The following PIK3AP1 variants were observed in gnomAD, a reference collection of about 807,000 sequenced individuals.
PIK3AP1 encodes phosphoinositide 3-kinase adapter protein 1.
Under a neutral mutation model 88.1 loss-of-function variants are expected in PIK3AP1, and 21 were observed. The observed-to-expected ratio is 0.24, with a 90% confidence interval of 0.17 to 0.34. The LOEUF is 0.34. PIK3AP1 is among the 10% of genes least tolerant of loss of function. PIK3AP1 has a pLI of 1.00. For synonymous variants in PIK3AP1, 398 were observed against 400.0 expected (o/e 1.00, Z 0.06); for missense variants, 828 against 1,035.7 (o/e 0.80, Z 2.75).
chr10:96,641,631 C>T (rs1236722248), intron 8 of PIK3AP1, among the ~76,000 whole-genome samples: 1 of 152,130 alleles, frequency 6.6e-6, no homozygotes, highest in Non-Finnish European at 1.5e-5. Context: ...CCAGGAGAGC[C>T]CTACATTCCA....
intron 2 of PIK3AP1, among the ~76,000 whole-genome samples, chr10:96,703,984 G>T (rs1164246704): frequency 6.6e-6 from 1 of 152,202 alleles, no homozygotes; most frequent in African/African-American, 2.4e-5. Flanking sequence ...GGAGAGTGGG[G>T]TGGGAAATAA....
chr10:96,598,908 G>A (rs1848831978), intron 16 of PIK3AP1, among the ~76,000 whole-genome samples: 1 of 152,228 alleles, frequency 6.6e-6, no homozygotes, highest in Non-Finnish European at 1.5e-5. Flanking sequence ...ATACAGGAGA[G>A]GGGCAGGACT....
intron 11 of PIK3AP1, 86 bp downstream of exon 11, chr10:96,623,386 C>T: frequency 1.1e-5 from 14 of 1,292,178 alleles, no homozygotes; most frequent in Non-Finnish European, 1.5e-5. Context: ...TTTTCAATGT[C>T]AAGGAGCTAT....
intron 10 of PIK3AP1, 135 bp downstream of exon 10, chr10:96,626,573 G>A: frequency 2.1e-6 from 2 of 938,240 alleles, no homozygotes; most frequent in African/African-American, 1.7e-5. Flanking sequence ...ATATGACCCT[G>A]TCTCGTAGGG....
At chr10:96,699,691 G>A (rs1406861957) in intron 2 of PIK3AP1, among the ~76,000 whole-genome samples, 1 of 152,132 alleles carries the variant, frequency 6.6e-6, no homozygotes, top group Non-Finnish European at 1.5e-5. Flanking sequence ...TTCTACATAA[G>A]GCAATAACCA....
intron 9 of PIK3AP1, among the ~76,000 whole-genome samples, 167 bp from the exon 10 acceptor site, chr10:96,627,072 A>C (rs1843164777): frequency 6.6e-6 from 1 of 152,220 alleles, no homozygotes; most frequent in Admixed American, 6.5e-5. Flanking sequence ...CACCACACAA[A>C]GCAACTGAGA....
chr10:96,684,372 T>G (rs1844041896), intron 2 of PIK3AP1, among the ~76,000 whole-genome samples: 2 of 152,218 alleles, frequency 1.3e-5, no homozygotes, highest in Non-Finnish European at 2.9e-5. Flanking sequence ...TCCTCCCAGG[T>G]GCCAACTCTA....
intron 16 of PIK3AP1, among the ~76,000 whole-genome samples, chr10:96,599,112 G>A (rs1194753215): frequency 6.6e-6 from 1 of 152,176 alleles, no homozygotes; most frequent in Non-Finnish European, 1.5e-5. Context: ...CAGATGGAAA[G>A]GAGGGCGGAT....
chr10:96,648,666 T>G lies in PIK3AP1; in HGVS notation c.1178A>C (p.Glu393Ala). The G allele has an allele frequency of 6.2e-7, 1 of 1,607,630 alleles. No homozygotes were observed. Among genetic ancestry groups the G allele is most frequent in the Middle Eastern group, 1.7e-4 (1 of 5,990 alleles). Residue 393 changes from glutamate to alanine, a missense_variant, in exon 7 of 17, where the codon GAG becomes GCG. This residue lies in a region of PIK3AP1 where 610 missense variants were observed against 760.1 expected (regional missense o/e 0.80). Transcript: ENST00000339364. ...CTCCTGCCTTGACCTTACCACATAC[T>G]CGTCGATGAACTGCCGCAGGTCCCT... ...GFRDLRQFID[E>A]YVETVDMLKS...
intron 16 of PIK3AP1, among the ~76,000 whole-genome samples, chr10:96,598,480 C>G (rs1848823161): frequency 6.6e-6 from 1 of 152,076 alleles, no homozygotes; most frequent in Non-Finnish European, 1.5e-5. Flanking sequence ...ATCCTTCCAT[C>G]CATTCACTTA....
chr10:96,701,234 G>T (rs1264584820), intron 2 of PIK3AP1, among the ~76,000 whole-genome samples: 1 of 152,202 alleles, frequency 6.6e-6, no homozygotes, highest in African/African-American at 2.4e-5. Flanking sequence ...ACTCAGGGAA[G>T]CGTCATTTTC....
At chr10:96,620,689 A>G in intron 11 of PIK3AP1, 132 bp from the exon 12 acceptor site, 1 of 704,848 alleles carries the variant, frequency 1.4e-6, no homozygotes, top group South Asian at 1.8e-5. Context: ...GTGGCCAAGA[A>G]GGGGGAGATA....
chr10:96,687,084 G>A lies in PIK3AP1; in HGVS notation c.430+22483C>T, dbSNP rs145682296. ...ATCCTGGCTAATACGGTGAAACCCC[G>A]TCTCTACTAAAAATACAAAAAATTA... On this transcript the variant is annotated intron_variant, in intron 2 of 16. Transcript: ENST00000339364. Among the ~76,000 whole-genome samples, 1,109 of 151,682 alleles carry A rather than the reference G, an allele frequency of 7.3e-3. 6 individuals are homozygous for A. The highest frequency in any genetic ancestry group is 0.027 in the Middle Eastern group (8 of 294).
In PIK3AP1 at chr10:96,720,504, G is replaced by T; in HGVS notation, c.-110C>A. The stretch of plus-strand genomic sequence containing the variant: ...GGGCGCCGGGCTCCGCGCGGGACCG[G>T]CCGCCGCTCTGGCGCTTCCTCCCTC... On this transcript the variant is annotated 5_prime_UTR_variant, in exon 1 of 17. Coordinates refer to ENST00000339364, the MANE Select transcript of PIK3AP1 (RefSeq NM_152309.3). The surrounding 1 kb of genome is among the most constrained non-coding windows in gnomAD (Gnocchi z 4.6). The T allele has an allele frequency of 9.8e-7, 1 of 1,025,314 alleles. No individual in the cohort carries two copies. Among genetic ancestry groups the T allele is most frequent in the Non-Finnish European group, 1.2e-6 (1 of 814,128 alleles). The allele number at this position is 1,025,314 out of a possible 1,614,324, so 63.5% of individuals were successfully genotyped here.
At chr10:96,704,464 T>C (rs1844337351) in intron 2 of PIK3AP1, among the ~76,000 whole-genome samples, 1 of 152,144 alleles carries the variant, frequency 6.6e-6, no homozygotes, top group Non-Finnish European at 1.5e-5. Flanking sequence ...ACGCCTGTAA[T>C]CCCAACACTT....
At chr10:96,683,743 C>T (rs1369860295) in intron 2 of PIK3AP1, among the ~76,000 whole-genome samples, 2 of 152,210 alleles carry the variant, frequency 1.3e-5, no homozygotes, top group Admixed American at 1.3e-4. Flanking sequence ...GATGCTACTA[C>T]GTGCTGAGAG....
intron 2 of PIK3AP1, among the ~76,000 whole-genome samples, chr10:96,695,134 T>A (rs1470240270): frequency 6.6e-6 from 1 of 152,188 alleles, no homozygotes; most frequent in Non-Finnish European, 1.5e-5. Flanking sequence ...CAGTCAGAGA[T>A]CTTTTCTGGC....
At chr10:96,679,297 G>C (rs759259790) in intron 2 of PIK3AP1, among the ~76,000 whole-genome samples, 5 of 152,128 alleles carry the variant, frequency 3.3e-5, no homozygotes, top group South Asian at 4.1e-4. Flanking sequence ...GGAGGCCAAG[G>C]TGGCTGGATC....
At chr10:96,700,695 C>CA in intron 2 of PIK3AP1, 1 of 543,126 alleles carries the variant, frequency 1.8e-6, no homozygotes, top group East Asian at 1.5e-4. Flanking sequence ...AGGCACAAGG[C>CA]ACCAGGACAG....
Sources: allele counts gnomAD v4.1 joint callset (sites outside exome capture counted in the v4.1 genomes callset), GRCh38; gene constraint gnomAD v4.1.1; regional missense constraint gnomAD v4.1.1; non-coding constraint Gnocchi (gnomAD v3.1); transcripts MANE v1.5; gene names NCBI Gene and HGNC (gene_info 2026-07-23, HGNC 2026-07-21).